MB21D2: variants seen among roughly 807,000 people sequenced by gnomAD.
The protein encoded by MB21D2 is Mab-21 domain containing 2, also known as nucleotidyltransferase MB21D2.
Under a neutral mutation model 33.3 loss-of-function variants are expected in MB21D2, and 9 were observed. That is an observed-to-expected ratio of 0.27 (90% CI 0.16 to 0.47). MB21D2 has a LOEUF of 0.47. MB21D2 is among the 20% of genes least tolerant of loss of function. MB21D2 has a pLI of 0.99. For missense variants in MB21D2, 540 were observed against 624.6 expected (o/e 0.86, Z 1.44); for synonymous variants, 241 against 236.3 (o/e 1.02, Z -0.18).
chr3:192,828,621 T>TCC (rs1712239232), intron 1 of MB21D2, among the ~76,000 whole-genome samples: 1 of 20,470 alleles, frequency 4.9e-5, no homozygotes, highest in African/African-American at 3.9e-4. Flanking sequence ...TATATATATA[T>TCC]ATATATATAT....
intron 1 of MB21D2, among the ~76,000 whole-genome samples, chr3:192,880,201 G>GGAATCGTGCTACATAA (rs1560248391): frequency 6.6e-6 from 1 of 151,904 alleles, no homozygotes; most frequent in African/African-American, 2.4e-5. Flanking sequence ...AAAAAAATTA[G>GGAATCGTGCTACATAA]CCAGGCGTGG....
chr3:192,805,813 C>T (rs1420915570), intron 1 of MB21D2, among the ~76,000 whole-genome samples: 1 of 152,198 alleles, frequency 6.6e-6, no homozygotes, highest in African/African-American at 2.4e-5. Flanking sequence ...CTAAGCGCAT[C>T]GTAGATATTT....
At chr3:192,872,866 G>C (rs12696660) in intron 1 of MB21D2, among the ~76,000 whole-genome samples, 93,315 of 151,954 alleles carry the variant, frequency 0.61, 30,621 homozygotes, top group African/African-American at 0.85. Context: ...ACACATTAGG[G>C]GTGCCATTAG....
At chr3:192,806,065 C>A (rs1441490873) in intron 1 of MB21D2, among the ~76,000 whole-genome samples, 1 of 152,234 alleles carries the variant, frequency 6.6e-6, no homozygotes, top group Admixed American at 6.5e-5. Flanking sequence ...TGAATGCCAT[C>A]GTGTGGCACG....
intron 1 of MB21D2, among the ~76,000 whole-genome samples, chr3:192,844,937 T>G (rs1712649415): frequency 1.3e-5 from 2 of 152,224 alleles, no homozygotes; most frequent in African/African-American, 4.8e-5. Context: ...TTCTCTTTTT[T>G]CCTCCCAAGG....
In MB21D2 at chr3:192,906,912, C is replaced by T. The variant is rs745852135; in HGVS notation, c.211+10718G>A. Among the ~76,000 whole-genome samples the T allele has an allele frequency of 1.5e-4, 23 of 152,206 alleles. 1 individual carries two copies. The highest frequency in any genetic ancestry group is 5.1e-4 in the African/African-American group (21 of 41,434). ...ATATTCAAATACTAGTTGGAAGAGA[C>T]GAAAGCCTAAACAAGACTTATACCA... On this transcript the variant is annotated intron_variant, in intron 1 of 1. Transcript: ENST00000392452.
At chr3:192,894,725 T>G (rs369662624) in intron 1 of MB21D2, among the ~76,000 whole-genome samples, 8 of 152,096 alleles carry the variant, frequency 5.3e-5, no homozygotes, top group African/African-American at 1.9e-4. Flanking sequence ...CTTCCACCAT[T>G]CTTTAAGAAT....
chr3:192,817,833 C>G (rs1286601918), intron 1 of MB21D2, among the ~76,000 whole-genome samples: 3 of 152,136 alleles, frequency 2.0e-5, no homozygotes, highest in Non-Finnish European at 4.4e-5. Flanking sequence ...CTCACCTGCT[C>G]AAAATCCTTC....
chr3:192,812,011 G>A (rs1289834705), intron 1 of MB21D2, among the ~76,000 whole-genome samples: 2 of 151,888 alleles, frequency 1.3e-5, no homozygotes, highest in Non-Finnish European at 2.9e-5. Context: ...ACCTTTGTCC[G>A]TACTTTCTTT....
chr3:192,894,209 A>G (rs1048068229), intron 1 of MB21D2, among the ~76,000 whole-genome samples: 5 of 151,506 alleles, frequency 3.3e-5, no homozygotes, highest in African/African-American at 9.7e-5. Flanking sequence ...ACTCAAAACG[A>G]CCTCTGCCTC....
At chr3:192,829,304 C>T (rs1712261848) in intron 1 of MB21D2, among the ~76,000 whole-genome samples, 1 of 152,136 alleles carries the variant, frequency 6.6e-6, no homozygotes, top group Non-Finnish European at 1.5e-5. Context: ...TGGGTTTTTG[C>T]TAATATGAAT....
chr3:192,896,840 A>G (rs1255610007), intron 1 of MB21D2, among the ~76,000 whole-genome samples: 1 of 152,234 alleles, frequency 6.6e-6, no homozygotes, highest in African/African-American at 2.4e-5. Flanking sequence ...GTGTCACTGC[A>G]GGAGCTTGCT....
chr3:192,871,507 T>C (rs554010439), intron 1 of MB21D2, among the ~76,000 whole-genome samples: 12 of 152,350 alleles, frequency 7.9e-5, no homozygotes, highest in Admixed American at 4.6e-4. Flanking sequence ...GAAGAGCTGA[T>C]ATTGTATAAC....
chr3:192,868,772 A>G (rs58303096), intron 1 of MB21D2, among the ~76,000 whole-genome samples: 6,806 of 152,238 alleles, frequency 0.045, 337 homozygotes, highest in East Asian at 0.15. Context: ...CTGTAAGTGC[A>G]ACTCTTTCAT....
intron 1 of MB21D2, among the ~76,000 whole-genome samples, chr3:192,906,465 C>T (rs1314362434): frequency 1.3e-5 from 2 of 152,178 alleles, no homozygotes; most frequent in African/African-American, 4.8e-5. Flanking sequence ...CTTGAAAGCT[C>T]CTTTCAAGTT....
At position 192,917,773 on chromosome 3, in the gene MB21D2, G is replaced by A. The variant is rs761423044; in HGVS notation, c.68C>T (p.Pro23Leu). 8 of 1,613,724 alleles carry A rather than the reference G, an allele frequency of 5.0e-6. No individual in the cohort carries two copies. Among genetic ancestry groups the A allele is most frequent in the Admixed American group, 3.3e-5 (2 of 60,008 alleles). ...SLGCNNKPAF[P>L]ELDFRSGARV... The stretch of plus-strand genomic sequence containing the variant: ...AGCTCCCGACCTGAAATCCAGCTCC[G>A]GGAACGCAGGCTTGTTGTTACAGCC... The change falls in exon 1 of 2, where the codon CCG becomes CTG. Residue 23 changes from proline to leucine, a missense_variant. Transcript: ENST00000392452.
chr3:192,879,095 CTA>C (rs1713504917), intron 1 of MB21D2, among the ~76,000 whole-genome samples: 1 of 152,226 alleles, frequency 6.6e-6, no homozygotes, highest in African/African-American at 2.4e-5. Context: ...CAGGCCTTCC[CTA>C]TCTCCCTAAA....
chr3:192,829,577 A>C (rs1457462039), intron 1 of MB21D2, among the ~76,000 whole-genome samples: 1 of 152,220 alleles, frequency 6.6e-6, no homozygotes, highest in Non-Finnish European at 1.5e-5. Flanking sequence ...TCATGTGTGC[A>C]TTCTTCCAGA....
chr3:192,835,491 C>G (rs1290799066), intron 1 of MB21D2, among the ~76,000 whole-genome samples: 2 of 133,226 alleles, frequency 1.5e-5, no homozygotes, highest in South Asian at 2.7e-4. Flanking sequence ...TAAAAACATA[C>G]AAGCACATTT....
Sources: gnomAD v4.1 joint callset for allele counts (sites outside exome capture counted in the v4.1 genomes callset) on GRCh38, gnomAD v4.1.1 for gene constraint, MANE v1.5 for transcripts, NCBI Gene and HGNC (gene_info 2026-07-23, HGNC 2026-07-21) for gene names.